Variants in ADAM11 observed in about 807,000 individuals in gnomAD.
ADAM11 encodes the protein ADAM metallopeptidase domain 11.
ADAM11 carries 49 observed loss-of-function variants against 119.1 expected under a neutral mutation model. The observed-to-expected ratio is 0.41, with a 90% confidence interval of 0.33 to 0.52. The LOEUF is 0.52. Among genes scored for constraint, ADAM11 ranks in the 20% least tolerant of loss-of-function variants. ADAM11 has a pLI of 0.20. For missense variants in ADAM11, 777 were observed against 1,047.5 expected (o/e 0.74, Z 3.56); for synonymous variants, 364 against 408.0 (o/e 0.89, Z 1.30).
intron 2 of ADAM11, 55 bp downstream of exon 2, chr17:44,759,952 G>A: frequency 8.0e-7 from 1 of 1,248,272 alleles, no homozygotes; most frequent in Non-Finnish European, 1.0e-6. Context: ...AGAGCCCCAG[G>A]AAGCCCACGG....
intron 26 of ADAM11, 41 bp downstream of exon 26, chr17:44,779,280 C>T (rs751904558): frequency 3.2e-6 from 5 of 1,553,998 alleles, no homozygotes; most frequent in Non-Finnish European, 4.3e-6. Context: ...ATGCCGGCCA[C>T]GTCATCCCTC....
chr17:44,779,574 G>A, intron 26 of ADAM11, 165 bp from the exon 27 acceptor site: 1 of 985,410 alleles, frequency 1.0e-6, no homozygotes, highest in Non-Finnish European at 1.2e-6. Context: ...CATCTGTTTT[G>A]TCTTCCATAT....
intron 2 of ADAM11, among the ~76,000 whole-genome samples, chr17:44,765,249 T>C (rs2049433550): frequency 6.6e-6 from 1 of 151,936 alleles, no homozygotes; most frequent in Non-Finnish European, 1.5e-5. Flanking sequence ...TTCTCCCAGC[T>C]GGGACATACT....
Position 44,776,651 on chromosome 17 carries a change from TG to T in ADAM11, c.1567-88del, listed in dbSNP as rs1273589247. On this transcript the variant is annotated intron_variant, in intron 18 of 26. Transcript: ENST00000200557. The surrounding 1 kb of genome is among the most constrained non-coding windows in gnomAD (Gnocchi z 5.2). ...AGAGCCCTGTGGCATGAGCCCCCAA[TG>T]GGGGGCACTTGGTACCCCAGCATTC... The T allele has an allele frequency of 2.5e-5, 37 of 1,472,730 alleles. No individual in the cohort carries two copies. In the East Asian group the frequency reaches 7.6e-4, roughly 30 times the overall value. The allele number at this position is 1,472,730 out of a possible 1,614,324, so 91.2% of individuals were successfully genotyped here. A position where few individuals can be genotyped will look rare whatever the true frequency, so the allele number is the denominator to read the frequency against.
Position 44,774,399 on chromosome 17 carries a change from G to A in ADAM11, c.1077+20G>A, listed in dbSNP as rs1439940305. On this transcript the variant is annotated intron_variant, in intron 12 of 26. Coordinates refer to ENST00000200557, the MANE Select transcript of ADAM11 (RefSeq NM_002390.6). ...AACGAGGTGAGCAGTGGGGGGACAT[G>A]GCTGGGGTGGCGGCTGAGGGAAAGG... 16 of 1,525,298 alleles carry A rather than the reference G, an allele frequency of 1.0e-5. No individual in the cohort carries two copies. In the Middle Eastern group the frequency reaches 1.2e-3, roughly 115 times the overall value. The allele number at this position is 1,525,298 out of a possible 1,614,324, so 94.5% of individuals were successfully genotyped here. A position where few individuals can be genotyped will look rare whatever the true frequency, so the allele number is the denominator to read the frequency against.
At position 44,779,248 on chromosome 17, in the gene ADAM11, C is replaced by T. The variant is rs1230947838; in HGVS notation, c.2294+9C>T. 5.7e-6 allele frequency: 9 copies of T among 1,580,750 alleles called. No individual in the cohort carries two copies. The highest frequency in any genetic ancestry group is 3.4e-5 in the South Asian group (3 of 87,184). On this transcript the variant is annotated intron_variant, in intron 26 of 26. Coordinates refer to ENST00000200557, the MANE Select transcript of ADAM11 (RefSeq NM_002390.6). ...AACATTCGCCGAGGAAGGTACGACC[C>T]GACCCAGCAGGGGGCAGTGTGATGC...
In ADAM11 at chr17:44,765,610, C is replaced by CTTTTTTTTTTTTTTTT. The variant is rs748123040; in HGVS notation, c.238-4100_238-4085dup. Among the ~76,000 whole-genome samples, 113 of 99,878 alleles carry CTTTTTTTTTTTTTTTT rather than the reference C, an allele frequency of 1.1e-3. 1 individual carries two copies. Among genetic ancestry groups the CTTTTTTTTTTTTTTTT allele is most frequent in the Middle Eastern group, 8.6e-3 (1 of 116 alleles). 65.5% of individuals were successfully genotyped at this position (99,878 alleles called of 152,430 possible). On this transcript the variant is annotated intron_variant, in intron 2 of 26. Transcript: ENST00000200557. The stretch of plus-strand genomic sequence containing the variant: ...AATCCTGGTTTTTCTTTTCTTTTCT[C>CTTTTTTTTTTTTTTTT]TTTTTTTTTTTTTTTTTTTTTTTGT...
intron 4 of ADAM11, 81 bp from the exon 5 acceptor site, chr17:44,771,503 A>C: frequency 7.2e-7 from 1 of 1,389,318 alleles, no homozygotes; most frequent in Non-Finnish European, 1.0e-6. Flanking sequence ...GGGCAGCTTC[A>C]GTGTCCCCCA....
chr17:44,774,410 C>T (rs1244578558), intron 12 of ADAM11, 31 bp downstream of exon 12: 4 of 1,531,404 alleles, frequency 2.6e-6, no homozygotes, highest in South Asian at 1.2e-5. Context: ...GCTGGGGTGG[C>T]GGCTGAGGGA....
Position 44,777,035 on chromosome 17 carries a change from A to G in ADAM11, c.1681+73A>G, listed in dbSNP as rs985221197. The G allele has an allele frequency of 7.9e-5, 124 of 1,567,454 alleles. 2 individuals carry two copies. Among genetic ancestry groups the G allele is most frequent in the Non-Finnish European group, 8.0e-5 (92 of 1,150,176 alleles). On this transcript the variant is annotated intron_variant, in intron 20 of 26. Coordinates refer to ENST00000200557, the MANE Select transcript of ADAM11 (RefSeq NM_002390.6). The surrounding 1 kb of genome is among the most constrained non-coding windows in gnomAD (Gnocchi z 5.1). ...TGAGAAGCTGGGGAGAGTGGGTTCCAGCTGAACAGGCCCCCAAGTGTGTAG... is the reference window on the plus strand; with the variant it reads ...TGAGAAGCTGGGGAGAGTGGGTTCCGGCTGAACAGGCCCCCAAGTGTGTAG...
Position 44,776,238 on chromosome 17 carries a change from C to CT in ADAM11, c.1566+32dup. The stretch of plus-strand genomic sequence containing the variant: ...CCCGGCCCCGCCGTCTTGTGGAGCC[C>CT]TGGGCGAGGCAACCCCTACCCTTGT... On this transcript the variant is annotated intron_variant, in intron 18 of 26. Coordinates refer to ENST00000200557, the MANE Select transcript of ADAM11 (RefSeq NM_002390.6). This position sits in a 1 kb window ranked among gnomAD's most constrained non-coding sequence, Gnocchi z 5.2. 1 of 1,612,124 alleles carries CT rather than the reference C, an allele frequency of 6.2e-7. No individual in the cohort carries two copies. Among genetic ancestry groups the CT allele is most frequent in the Non-Finnish European group, 8.5e-7 (1 of 1,179,184 alleles).
In ADAM11 at chr17:44,768,211, G is replaced by T. The variant is rs199636070; in HGVS notation, c.238-1507G>T. Among the ~76,000 whole-genome samples, 4 of 152,220 alleles carry T rather than the reference G, an allele frequency of 2.6e-5. No individual in the cohort carries two copies. The East Asian group carries it at 7.7e-4, about 29-fold the overall frequency. ...CCCAGGGGCAGGGGAAGGCCAGGATGGTTCAGGCCATGGGCCGGGAAGAGG... is the reference window on the plus strand; with the variant it reads ...CCCAGGGGCAGGGGAAGGCCAGGATTGTTCAGGCCATGGGCCGGGAAGAGG... On this transcript the variant is annotated intron_variant, in intron 2 of 26. Transcript: ENST00000200557.
intron 4 of ADAM11, among the ~76,000 whole-genome samples, chr17:44,770,502 C>A (rs58869722): frequency 0.4 from 59,378 of 146,624 alleles, 14,079 homozygotes; most frequent in East Asian, 0.72. Context: ...CCCCCCCCGC[C>A]CCCACTGCCT....
rs971931036 is a variant in ADAM11 at position 44,759,193 on chromosome 17, G to C, written c.-7G>C. 2.2e-6 allele frequency: 3 copies of C among 1,362,194 alleles called. No individual in the cohort carries two copies. The highest frequency in any genetic ancestry group is 1.9e-6 in the Non-Finnish European group (2 of 1,053,676). The allele number at this position is 1,362,194 out of a possible 1,614,324, so 84.4% of individuals were successfully genotyped here. A position where few individuals can be genotyped will look rare whatever the true frequency, so the allele number is the denominator to read the frequency against. ...GCAGCCCCCGGACCGGGAGGAATGAGCGAGCCATGAGGCTGCTGCGGCGCT... is the reference window on the plus strand; with the variant it reads ...GCAGCCCCCGGACCGGGAGGAATGACCGAGCCATGAGGCTGCTGCGGCGCT... On this transcript the variant is annotated 5_prime_UTR_variant, in exon 1 of 27. Transcript: ENST00000200557.
In ADAM11 at chr17:44,776,910, C is replaced by T. The variant is rs771427695; in HGVS notation, c.1629C>T (p.Tyr543=). 1.1e-5 allele frequency: 18 copies of T among 1,613,432 alleles called. No individual in the cohort carries two copies. Among genetic ancestry groups the T allele is most frequent in the South Asian group, 6.6e-5 (6 of 91,076 alleles). The change falls in exon 20 of 27, where the codon TAC becomes TAT. Residue 543 remains tyrosine (Y), a synonymous_variant. Transcript: ENST00000200557. The surrounding 1 kb of genome is among the most constrained non-coding windows in gnomAD (Gnocchi z 5.2). Reference sequence around the variant, plus strand: ...TCTTGGACTCTCAGGGCCGCTGCTACGGAGGTCGCTGCAAAACCCGGGACC... The same window carrying T: ...TCTTGGACTCTCAGGGCCGCTGCTATGGAGGTCGCTGCAAAACCCGGGACC... ...YYCDHEQGRC[Y]GGRCKTRDRQ...
chr17:44,772,875 A>G lies in ADAM11; in HGVS notation c.697A>G (p.Thr233Ala), dbSNP rs200695565. The G allele has an allele frequency of 2.8e-4, 455 of 1,612,984 alleles. 5 individuals carry two copies. Among genetic ancestry groups the G allele is most frequent in the Non-Finnish European group, 7.6e-6 (9 of 1,179,524 alleles). Residue 233 changes from threonine (T) to alanine (A), a missense_variant, in exon 9 of 27, where the codon ACA (threonine) becomes GCA (alanine). Transcript: ENST00000200557. The surrounding 1 kb of genome is among the most constrained non-coding windows in gnomAD (Gnocchi z 4.5). The part of the protein sequence containing the change: ...RKRQVRRGHP[T>A]VHSETKYVEL... ...CCCCCAGGTCCGCCGGGGCCACCCT[A>G]CAGTGCACAGTGAAACCAAGTATGT...
chr17:44,760,313 G>C (rs947606284), intron 2 of ADAM11, among the ~76,000 whole-genome samples: 1 of 152,206 alleles, frequency 6.6e-6, no homozygotes, highest in Non-Finnish European at 1.5e-5. Context: ...AGCCACCTTA[G>C]TGGGCTTTCT....
rs74818914 is a variant in ADAM11, at chr17:44,780,978, C to T, written c.*1224C>T. 676 of 152,788 alleles carry T rather than the reference C, an allele frequency of 4.4e-3. 6 individuals carry two copies. In the East Asian group the frequency reaches 0.049, roughly 11 times the overall value. The allele number at this position is 152,788 out of a possible 1,614,324, so 9.5% of individuals were successfully genotyped here. Reference sequence around the variant, plus strand: ...CAGGCACAGCTCCTCAGTCTTCTCACACAGTCCTGCCGGTGGCCTTCCCTC... The same window carrying T: ...CAGGCACAGCTCCTCAGTCTTCTCATACAGTCCTGCCGGTGGCCTTCCCTC... On this transcript the variant is annotated 3_prime_UTR_variant, in exon 27 of 27. Transcript: ENST00000200557.
Position 44,780,526 on chromosome 17 carries a change from C to T in ADAM11, c.*772C>T. 4.1e-6 allele frequency: 1 copy of T among 245,082 alleles called. No individual in the cohort carries two copies. The allele number at this position is 245,082 out of a possible 1,614,324, so 15.2% of individuals were successfully genotyped here. Reference sequence around the variant, plus strand: ...AATTCGAAAACAACCGTCCTGCTGTCCCTGTCAGGACACATGGATTTTGGC... The same window carrying T: ...AATTCGAAAACAACCGTCCTGCTGTTCCTGTCAGGACACATGGATTTTGGC... On this transcript the variant is annotated 3_prime_UTR_variant, in exon 27 of 27. Transcript: ENST00000200557.
Sources: allele counts gnomAD v4.1 joint callset (sites outside exome capture counted in the v4.1 genomes callset), GRCh38; gene constraint gnomAD v4.1.1; non-coding constraint Gnocchi (gnomAD v3.1); transcripts MANE v1.5; gene names NCBI Gene and HGNC (gene_info 2026-07-23, HGNC 2026-07-21).